BMPER: variants seen among roughly 807,000 people sequenced by gnomAD.
BMPER encodes the protein BMP binding endothelial regulator, also known as BMP-binding endothelial regulator protein.
A neutral mutation model predicts 87.3 loss-of-function variants in BMPER; 45 were observed. The ratio of observed to expected loss-of-function variants is 0.52; its 90% CI spans 0.41 to 0.66. The LOEUF (loss-of-function observed/expected upper bound fraction) is 0.66. Ranked by LOEUF, BMPER falls within the 30% of genes least tolerant of loss-of-function variation. BMPER has a pLI of 0.00. For missense variants in BMPER, 784 were observed against 867.5 expected, an observed-to-expected ratio of 0.90 and a Z score of 1.21; for synonymous variants, 326 against 316.2, an observed-to-expected ratio of 1.03 and a Z score of -0.33.
At chr7:33,915,083 T>C (rs922794433) in intron 2 of BMPER, among the ~76,000 whole-genome samples, 3 of 152,210 alleles carry the variant, frequency 2.0e-5, no homozygotes, top group Admixed American at 2.0e-4. Flanking sequence ...TTTGAAAATT[T>C]AATGCAAAAA....
At chr7:34,013,109 C>T (rs1190273800) in intron 6 of BMPER, among the ~76,000 whole-genome samples, 3 of 151,702 alleles carry the variant, frequency 2.0e-5, no homozygotes, top group Non-Finnish European at 4.4e-5. Context: ...TCAATCCCTT[C>T]TGGGCTCCAG....
chr7:34,093,614 A>T (rs1320324666), intron 13 of BMPER, among the ~76,000 whole-genome samples: 5 of 152,122 alleles, frequency 3.3e-5, no homozygotes, highest in African/African-American at 1.2e-4. Context: ...TTACTGCATA[A>T]CCTTCCTAGG....
In BMPER at chr7:33,917,539, G is replaced by A. The variant is rs140283136; in HGVS notation, c.219+10636G>A. Among the ~76,000 whole-genome samples the A allele has an allele frequency of 1.4e-4, 21 of 152,192 alleles. No individual in the cohort carries two copies. In the South Asian group the frequency reaches 1.9e-3, roughly 14 times the overall value. ...TCAGCAAGAGAAGATGAGAGGGTGGGATGGGTGGCATCTTCACTGACCACA... is the reference window on the plus strand; with the variant it reads ...TCAGCAAGAGAAGATGAGAGGGTGGAATGGGTGGCATCTTCACTGACCACA... On this transcript the variant is annotated intron_variant, in intron 2 of 14. Coordinates refer to ENST00000649409, the MANE Select transcript of BMPER (RefSeq NM_001365308.1).
intron 6 of BMPER, among the ~76,000 whole-genome samples, chr7:34,038,251 C>T (rs903243836): frequency 2.6e-5 from 4 of 152,140 alleles, no homozygotes; most frequent in South Asian, 2.1e-4. Context: ...GGGTCAGAGT[C>T]GGAGGAGATG....
intron 6 of BMPER, among the ~76,000 whole-genome samples, chr7:34,018,935 G>C (rs1206504563): frequency 6.6e-6 from 1 of 152,006 alleles, no homozygotes; most frequent in African/African-American, 2.4e-5. Context: ...GGGATTTGCT[G>C]CAGCTGTGCA....
chr7:33,940,031 T>A, intron 3 of BMPER: 1 of 253,840 alleles, frequency 3.9e-6, no homozygotes. Flanking sequence ...GGTGAGTTTT[T>A]TTTTTAATTG....
At chr7:33,949,612 T>C (rs976409306) in intron 3 of BMPER, among the ~76,000 whole-genome samples, 4 of 151,968 alleles carry the variant, frequency 2.6e-5, no homozygotes, top group East Asian at 1.9e-4. Context: ...TTTTTTTTTT[T>C]CCCCATGATT....
At chr7:34,133,918 T>A (rs1790655359) in intron 13 of BMPER, among the ~76,000 whole-genome samples, 1 of 152,142 alleles carries the variant, frequency 6.6e-6, no homozygotes, top group Non-Finnish European at 1.5e-5. Flanking sequence ...CTCTTCTGCT[T>A]AGGTGAAGGA....
At chr7:34,073,555 C>T (rs2127971395) in intron 11 of BMPER, among the ~76,000 whole-genome samples, 1 of 152,338 alleles carries the variant, frequency 6.6e-6, no homozygotes, top group East Asian at 1.9e-4. Context: ...GTAGACCCTT[C>T]TGTATACATG....
chr7:34,001,821 C>T (rs976201091), intron 6 of BMPER, among the ~76,000 whole-genome samples: 2 of 151,504 alleles, frequency 1.3e-5, no homozygotes, highest in Non-Finnish European at 3.0e-5. Context: ...TACAGGTACG[C>T]ATTTCTCTCT....
Position 33,937,271 on chromosome 7 carries a change from G to C in BMPER, c.220-18G>C, listed in dbSNP as rs369314944. ...GTTTGATGTCTATTTCAAATCTCTCGTGTCTCTTTTTGTCTAGAACAAGGA... is the reference window on the plus strand; with the variant it reads ...GTTTGATGTCTATTTCAAATCTCTCCTGTCTCTTTTTGTCTAGAACAAGGA... On this transcript the variant is annotated intron_variant, in intron 2 of 14. Coordinates refer to ENST00000649409, the MANE Select transcript of BMPER (RefSeq NM_001365308.1). 27 of 1,608,042 alleles carry C rather than the reference G, an allele frequency of 1.7e-5. No homozygotes were observed. Among genetic ancestry groups the C allele is most frequent in the Non-Finnish European group, 2.2e-5 (26 of 1,174,646 alleles).
chr7:33,966,362 G>A (rs1480333065), intron 3 of BMPER, 117 bp from the exon 4 acceptor site: 2 of 845,154 alleles, frequency 2.4e-6, no homozygotes, highest in African/African-American at 3.3e-5. Context: ...AAAGAGCATG[G>A]TGGTTCCTTT....
intron 13 of BMPER, among the ~76,000 whole-genome samples, chr7:34,109,608 A>G (rs1490955288): frequency 6.6e-6 from 1 of 152,228 alleles, no homozygotes; most frequent in Admixed American, 6.5e-5. Context: ...ACAAAATAGT[A>G]AAAAGAGGTT....
chr7:33,986,795 ATAT>A (rs1454292141), intron 6 of BMPER, among the ~76,000 whole-genome samples: 1 of 152,204 alleles, frequency 6.6e-6, no homozygotes, highest in African/African-American at 2.4e-5. Context: ...ATAGGATAAA[ATAT>A]TAGTCTCAGA....
At chr7:34,043,619 G>A (rs1199787966) in intron 6 of BMPER, among the ~76,000 whole-genome samples, 1 of 152,158 alleles carries the variant, frequency 6.6e-6, no homozygotes, top group East Asian at 1.9e-4. Flanking sequence ...CTCAACCTTA[G>A]CAGGGGTGGG....
In BMPER at chr7:33,983,508, T is replaced by C. The variant is rs114484572; in HGVS notation, c.576+8724T>C. Among the ~76,000 whole-genome samples the C allele has an allele frequency of 2.8e-3, 432 of 152,326 alleles. 3 individuals carry two copies. Among genetic ancestry groups the C allele is most frequent in the African/African-American group, 9.8e-3 (409 of 41,548 alleles). On this transcript the variant is annotated intron_variant, in intron 6 of 14. Coordinates refer to ENST00000649409, the MANE Select transcript of BMPER (RefSeq NM_001365308.1). ...TACTGAATGTGTACCCTGTGCCAGG[T>C]ACATATAGTATATAATGTTAATTTT...
chr7:34,044,094 C>T (rs927506530), intron 6 of BMPER, among the ~76,000 whole-genome samples: 1 of 152,084 alleles, frequency 6.6e-6, no homozygotes, highest in Non-Finnish European at 1.5e-5. Flanking sequence ...ATACTGCAAA[C>T]CAAACAAAAT....
At chr7:34,095,298 T>C (rs149715852) in intron 13 of BMPER, among the ~76,000 whole-genome samples, 17 of 152,320 alleles carry the variant, frequency 1.1e-4, no homozygotes, top group African/African-American at 4.1e-4. Context: ...AAGAAATACA[T>C]GACAAATTTT....
intron 13 of BMPER, among the ~76,000 whole-genome samples, chr7:34,138,696 A>G (rs758844863): frequency 5.3e-5 from 8 of 152,292 alleles, no homozygotes; most frequent in East Asian, 1.9e-4. Flanking sequence ...TATTTTGCCA[A>G]TTCCGTTACA....
Sources: allele counts gnomAD v4.1 joint callset (sites outside exome capture counted in the v4.1 genomes callset), GRCh38; gene constraint gnomAD v4.1.1; transcripts MANE v1.5; gene names NCBI Gene and HGNC (gene_info 2026-07-23, HGNC 2026-07-21).